EIF2AK3: variants seen among roughly 807,000 people sequenced by gnomAD.
EIF2AK3 encodes eukaryotic translation initiation factor 2-alpha kinase 3.
EIF2AK3 carries 50 observed loss-of-function variants against 113.5 expected under a neutral mutation model. The ratio of observed to expected loss-of-function variants is 0.44; its 90% CI spans 0.35 to 0.56. EIF2AK3 has a LOEUF of 0.56. Among genes scored for constraint, EIF2AK3 ranks in the 20% least tolerant of loss-of-function variants. EIF2AK3 has a pLI of 0.00. For synonymous variants in EIF2AK3, 448 were observed against 495.4 expected, an observed-to-expected ratio of 0.90 and a Z score of 1.27; for missense variants, 1,185 against 1,378.0, an observed-to-expected ratio of 0.86 and a Z score of 2.22.
intron 2 of EIF2AK3, among the ~76,000 whole-genome samples, chr2:88,613,194 G>A (rs1327587995): frequency 2.0e-5 from 3 of 152,060 alleles, no homozygotes; most frequent in African/African-American, 4.8e-5. Flanking sequence ...TTGAATCTAT[G>A]CTCTTTCCCC....
At chr2:88,608,700 CTTTTTTTTTTT>C (rs1176748814) in intron 2 of EIF2AK3, among the ~76,000 whole-genome samples, 5 of 62,002 alleles carry the variant, frequency 8.1e-5, no homozygotes, top group Admixed American at 2.5e-4. Flanking sequence ...TTTTTGATTT[CTTTTTTTTTTT>C]TTTTTTTTTT....
At chr2:88,583,340 C>T (rs1316489524) in intron 10 of EIF2AK3, 90 bp downstream of exon 10, 3 of 926,750 alleles carry the variant, frequency 3.2e-6, no homozygotes, top group African/African-American at 3.3e-5. Context: ...TTTTATTTTT[C>T]TAGATATCCA....
chr2:88,599,012 ATAAG>A (rs759214936), intron 2 of EIF2AK3, among the ~76,000 whole-genome samples: 6 of 152,104 alleles, frequency 3.9e-5, no homozygotes, highest in Non-Finnish European at 7.4e-5. Context: ...GTCTGAGCAC[ATAAG>A]GTTTTTTTTT....
intron 15 of EIF2AK3, among the ~76,000 whole-genome samples, chr2:88,559,605 A>G (rs959674046): frequency 1.7e-4 from 26 of 150,482 alleles, no homozygotes; most frequent in African/African-American, 2.4e-4. Context: ...GAGAAAGGGG[A>G]GAGAGAGAGA....
intron 3 of EIF2AK3, chr2:88,594,053 G>T: frequency 3.9e-6 from 2 of 510,286 alleles, no homozygotes; most frequent in Non-Finnish European, 5.1e-6. Context: ...AGATAGGATG[G>T]CATGGCCTCC....
chr2:88,626,942 C>T, intron 1 of EIF2AK3, 25 bp downstream of exon 1: 2 of 1,605,764 alleles, frequency 1.2e-6, no homozygotes, highest in Non-Finnish European at 1.7e-6. Context: ...AACAAGTTGC[C>T]TCCCCCGGGT....
At chr2:88,626,359 G>A (rs116778556) in intron 1 of EIF2AK3, among the ~76,000 whole-genome samples, 1 of 152,320 alleles carries the variant, frequency 6.6e-6, no homozygotes, top group Non-Finnish European at 1.5e-5. Flanking sequence ...CGGCGTGCTT[G>A]TTAAACACGC....
chr2:88,558,734 G>A (rs924223627), intron 16 of EIF2AK3, among the ~76,000 whole-genome samples, 183 bp downstream of exon 16: 2 of 152,186 alleles, frequency 1.3e-5, no homozygotes, highest in Non-Finnish European at 2.9e-5. Context: ...TAGGCTGAAG[G>A]AGCCAGGCCC....
intron 14 of EIF2AK3, among the ~76,000 whole-genome samples, chr2:88,566,815 G>A (rs1275286512): frequency 6.6e-6 from 1 of 152,164 alleles, no homozygotes; most frequent in African/African-American, 2.4e-5. Flanking sequence ...GAGCATGGCG[G>A]TGTGGACCTG....
rs759089652 is a variant in EIF2AK3, at chr2:88,574,962, T to G, written c.2521A>C (p.Lys841Gln). 3 of 1,614,218 alleles carry G rather than the reference T, an allele frequency of 1.9e-6. No homozygotes were observed. The highest frequency in any genetic ancestry group is 2.5e-6 in the Non-Finnish European group (3 of 1,180,024). ...GAAGAAGATTTGCTACTGGTGGGCTTGAAAGCAGTTAGTTTATTAGCACAA... is the reference window on the plus strand; with the variant it reads ...GAAGAAGATTTGCTACTGGTGGGCTGGAAAGCAGTTAGTTTATTAGCACAA... ...NHCANKLTAF[K>Q]PTSSKSSSEA... Residue 841 changes from lysine (K) to glutamine (Q), a missense_variant, in exon 13 of 17, where the codon AAG becomes CAG. This residue lies in a region of EIF2AK3 where 877 missense variants were observed against 1,024.2 expected (regional missense o/e 0.86). Transcript: ENST00000303236.
At chr2:88,598,961 GGCAA>G (rs1285145456) in intron 2 of EIF2AK3, among the ~76,000 whole-genome samples, 50 of 152,060 alleles carry the variant, frequency 3.3e-4, no homozygotes, top group African/African-American at 1.2e-3. Context: ...AGAGGACACG[GGCAA>G]GCATATAAAG....
Position 88,570,914 on chromosome 2 carries a change from G to C in EIF2AK3, c.2945C>G (p.Thr982Arg). The change falls in exon 14 of 17, where the codon ACA becomes AGA. Residue 982 changes from threonine to arginine, a missense_variant. Coordinates refer to ENST00000303236, the MANE Select transcript of EIF2AK3 (RefSeq NM_004836.7). ...LTPMPAYARH[T>R]GQVGTKLYMS... ...ATACAGTTTGGTCCCTACTTGTCCT[G>C]TGTGTCTGGCATAAGCTGGCATTGG... 2 of 1,614,106 alleles carry C rather than the reference G, an allele frequency of 1.2e-6. No individual in the cohort carries two copies. Among genetic ancestry groups the C allele is most frequent in the Non-Finnish European group, 1.7e-6 (2 of 1,180,012 alleles).
At chr2:88,574,469 T>C (rs554672865) in intron 13 of EIF2AK3, 197 bp downstream of exon 13, 5 of 625,310 alleles carry the variant, frequency 8.0e-6, no homozygotes, top group Admixed American at 5.8e-5. Flanking sequence ...AATGAATGCA[T>C]GGTTTGCCTA....
chr2:88,616,909 C>A (rs1675600846), intron 1 of EIF2AK3, among the ~76,000 whole-genome samples: 1 of 152,124 alleles, frequency 6.6e-6, no homozygotes. Flanking sequence ...CAAAGTAAAG[C>A]CGCAAGTTGA....
chr2:88,580,137 G>C (rs1480052352), intron 10 of EIF2AK3, among the ~76,000 whole-genome samples: 1 of 152,170 alleles, frequency 6.6e-6, no homozygotes, highest in Non-Finnish European at 1.5e-5. Flanking sequence ...GCTGACATGG[G>C]TTGGGTTGCC....
At position 88,575,573 on chromosome 2, in the gene EIF2AK3, T is replaced by C. The variant is rs1284641738; in HGVS notation, c.2037-127A>G. On this transcript the variant is annotated intron_variant, in intron 12 of 16. Transcript: ENST00000303236. ...CTTACCAAATGACAACAAAACAACA[T>C]ACAAACTAAATAAAAACATGCAATG... The C allele has an allele frequency of 8.4e-6, 8 of 948,564 alleles. No individual in the cohort carries two copies. In the Admixed American group the frequency reaches 1.6e-4, roughly 19 times the overall value. 58.8% of individuals were successfully genotyped at this position (948,564 alleles called of 1,614,324 possible).
chr2:88,599,276 T>G lies in EIF2AK3; in HGVS notation c.439-3613A>C, dbSNP rs189174012. Among the ~76,000 whole-genome samples, 41 of 152,234 alleles carry G rather than the reference T, an allele frequency of 2.7e-4. No homozygotes were observed. The South Asian group carries it at 7.5e-3, about 28-fold the overall frequency. On this transcript the variant is annotated intron_variant, in intron 2 of 16. Coordinates refer to ENST00000303236, the MANE Select transcript of EIF2AK3 (RefSeq NM_004836.7). Reference sequence around the variant, plus strand: ...CACTGGTATATACCTTACCTAATATTACCTTAGAGTCTTAGCATAACTATT... The same window carrying G: ...CACTGGTATATACCTTACCTAATATGACCTTAGAGTCTTAGCATAACTATT...
In EIF2AK3 at chr2:88,557,768, TG is replaced by T; in HGVS notation, c.3318del (p.Asn1107ThrfsTer16). On this transcript the variant is annotated frameshift_variant, in exon 17 of 17. Coordinates refer to ENST00000303236, the MANE Select transcript of EIF2AK3 (RefSeq NM_004836.7). LOFTEE classifies it high-confidence loss of function. ...CTTGGCAAAGGGCTATGGGAGTTGT[TG>T]GACTGTCTTGAATGTTTTGTTCCCG... ...SSSGTKHSRQ[S>X]NNSHSPLPSN 1 of 1,614,140 alleles carries T rather than the reference TG, an allele frequency of 6.2e-7. No individual in the cohort carries two copies. The highest frequency in any genetic ancestry group is 2.2e-5 in the East Asian group (1 of 44,884).
At chr2:88,583,295 C>G in intron 10 of EIF2AK3, 135 bp downstream of exon 10, 1 of 651,980 alleles carries the variant, frequency 1.5e-6, no homozygotes, top group South Asian at 2.0e-5. Context: ...TTTAAGTTAC[C>G]TGAATTTATT....
Sources: allele counts gnomAD v4.1 joint callset (sites outside exome capture counted in the v4.1 genomes callset), GRCh38; gene constraint gnomAD v4.1.1; regional missense constraint gnomAD v4.1.1; transcripts MANE v1.5; gene names NCBI Gene and HGNC (gene_info 2026-07-23, HGNC 2026-07-21).